The following CELF2 variants were observed in gnomAD, a reference collection of about 807,000 sequenced individuals.
CELF2 encodes the protein CUGBP Elav-like family member 2.
In CELF2, 8 loss-of-function variants were observed where a neutral mutation model predicts 62.6. The ratio of observed to expected loss-of-function variants is 0.13; its 90% CI spans 0.07 to 0.23. CELF2 has a LOEUF of 0.23. Among genes scored for constraint, CELF2 ranks in the 10% least tolerant of loss-of-function variants. CELF2 has a pLI of 1.00. For synonymous variants in CELF2, 258 were observed against 250.0 expected (o/e 1.03, Z -0.30); for missense variants, 333 against 671.0 (o/e 0.50, Z 5.56).
chr10:11,004,865 A>G (rs1185044162), upstream of CELF2, among the ~76,000 whole-genome samples: 1 of 152,186 alleles, frequency 6.6e-6, no homozygotes, highest in Non-Finnish European at 1.5e-5. The surrounding 1 kb of genome is among the most constrained non-coding windows in gnomAD (Gnocchi z 5.0). Flanking sequence ...TGTCCCAGAA[A>G]AGAGAGGCAA....
At chr10:10,625,193 G>A in the CELF2 span, among the ~76,000 whole-genome samples, 1 of 150,594 alleles carries the variant, frequency 6.6e-6, no homozygotes, top group African/African-American at 2.4e-5. Flanking sequence ...TGTAGGTATG[G>A]TATTGATAGA....
At chr10:11,083,467 C>T (rs970865142) in intron 1 of CELF2, among the ~76,000 whole-genome samples, 7 of 152,212 alleles carry the variant, frequency 4.6e-5, no homozygotes, top group South Asian at 2.1e-4. Context: ...ATTTCTGTCA[C>T]GGAGGGGTGC....
At chr10:11,327,254 T>C (rs1044299619) in intron 12 of CELF2, among the ~76,000 whole-genome samples, 1 of 152,170 alleles carries the variant, frequency 6.6e-6, no homozygotes, top group Non-Finnish European at 1.5e-5. Context: ...CTACATGATT[T>C]ACAAGGCTTT....
chr10:11,214,959 T>G lies in CELF2; in HGVS notation c.272-2466T>G, dbSNP rs1250115182. Among the ~76,000 whole-genome samples, 2 of 152,192 alleles carry G rather than the reference T, an allele frequency of 1.3e-5. No homozygotes were observed. The highest frequency in any genetic ancestry group is 2.9e-5 in the Non-Finnish European group (2 of 68,034). ...GTCCTTTCTTCCTTCCTTTCTCCTA[T>G]TCACCTGCCATCCCACCCTGCTTAG... On this transcript the variant is annotated intron_variant, in intron 2 of 12. Transcript: ENST00000633077. This position sits in a 1 kb window ranked among gnomAD's most constrained non-coding sequence, Gnocchi z 4.2.
intron 2 of CELF2, among the ~76,000 whole-genome samples, chr10:10,961,956 C>T (rs994399731): frequency 6.6e-6 from 1 of 151,766 alleles, no homozygotes; most frequent in East Asian, 1.9e-4. Context: ...CAGCCAGGTG[C>T]GGTGACTCAT....
At chr10:11,118,983 G>C (rs188603307) in intron 1 of CELF2, among the ~76,000 whole-genome samples, 2 of 152,346 alleles carry the variant, frequency 1.3e-5, no homozygotes, top group East Asian at 3.9e-4. Context: ...ACTTCATCAG[G>C]AAAGGTGAGC....
At chr10:11,053,612 CTT>C (rs35886208) in intron 1 of CELF2, among the ~76,000 whole-genome samples, 3 of 122,394 alleles carry the variant, frequency 2.5e-5, no homozygotes, top group Non-Finnish European at 3.5e-5. Flanking sequence ...TCTGATATTT[CTT>C]TTTTTTTTTT....
chr10:11,091,117 A>G (rs1766159580), intron 1 of CELF2, among the ~76,000 whole-genome samples: 1 of 152,206 alleles, frequency 6.6e-6, no homozygotes, highest in African/African-American at 2.4e-5. Context: ...ATAAAGCAGT[A>G]AGCCTATGGT....
intron 1 of CELF2, among the ~76,000 whole-genome samples, chr10:11,031,929 G>A (rs1160080836): frequency 2.0e-5 from 3 of 152,082 alleles, no homozygotes; most frequent in African/African-American, 7.2e-5. Context: ...CCCTTTTAGC[G>A]CTTCATTTGC....
chr10:10,590,180 G>A, the CELF2 span, among the ~76,000 whole-genome samples: 1 of 152,038 alleles, frequency 6.6e-6, no homozygotes, highest in East Asian at 1.9e-4. Flanking sequence ...CACACACACA[G>A]GCTTTTATAA....
chr10:10,653,021 G>C, the CELF2 span, among the ~76,000 whole-genome samples: 24 of 152,070 alleles, frequency 1.6e-4, no homozygotes, highest in African/African-American at 5.8e-4. Flanking sequence ...GATGGAGGAA[G>C]ATCTACCAAG....
intron 1 of CELF2, among the ~76,000 whole-genome samples, chr10:11,130,171 A>G (rs1457525906): frequency 1.3e-5 from 2 of 152,148 alleles, no homozygotes; most frequent in Non-Finnish European, 2.9e-5. Context: ...ATTTCCATGT[A>G]GTTGTGTGGT....
At chr10:11,274,716 G>T (rs947852905) in intron 7 of CELF2, among the ~76,000 whole-genome samples, 2 of 152,214 alleles carry the variant, frequency 1.3e-5, no homozygotes, top group African/African-American at 2.4e-5. Context: ...AATGGACCCT[G>T]ATTGACAGAG....
At chr10:10,654,821 C>A in the CELF2 span, among the ~76,000 whole-genome samples, 3,575 of 149,958 alleles carry the variant, frequency 0.024, 123 homozygotes, top group Admixed American at 0.075. Context: ...GACAGGGATG[C>A]CCTCTCTCAC....
intron 1 of CELF2, among the ~76,000 whole-genome samples, chr10:11,125,075 G>GAT: frequency 6.6e-6 from 1 of 152,132 alleles, no homozygotes; most frequent in South Asian, 2.1e-4. Context: ...CCACTTAGCT[G>GAT]GACCATTAAG....
chr10:11,137,302 C>T (rs561244796), intron 1 of CELF2, among the ~76,000 whole-genome samples: 3 of 152,278 alleles, frequency 2.0e-5, no homozygotes, highest in African/African-American at 7.2e-5. Flanking sequence ...CTATTTAATA[C>T]TTTTCAGTAG....
chr10:10,573,164 G>A, the CELF2 span, among the ~76,000 whole-genome samples: 1 of 152,012 alleles, frequency 6.6e-6, no homozygotes, highest in East Asian at 1.9e-4. Flanking sequence ...GAGAAGTGTA[G>A]GTTCATGTCC....
In CELF2 at chr10:11,280,054, CG is replaced by C. The variant is rs1327398773; in HGVS notation, c.841+4936del. The stretch of plus-strand genomic sequence containing the variant: ...TTGCCAAGCACGCGCCCTTGCCTCT[CG>C]GTCTGGTGCCCTTTCAGGATGAGCG... On this transcript the variant is annotated intron_variant, in intron 8 of 12. Coordinates refer to ENST00000633077, the MANE Select transcript of CELF2 (RefSeq NM_001326342.2). The surrounding 1 kb of genome is among the most constrained non-coding windows in gnomAD (Gnocchi z 7.6). Among the ~76,000 whole-genome samples the C allele has an allele frequency of 1.3e-5, 2 of 152,188 alleles. No individual in the cohort carries two copies. Among genetic ancestry groups the C allele is most frequent in the Non-Finnish European group, 2.9e-5 (2 of 68,036 alleles).
chr10:11,282,496 TGAG>T, intron 8 of CELF2, among the ~76,000 whole-genome samples: 1 of 152,372 alleles, frequency 6.6e-6, no homozygotes, highest in South Asian at 2.1e-4. Flanking sequence ...GGTAAGGCAC[TGAG>T]GAGCTTGCCT....
Sources: allele counts gnomAD v4.1 joint callset (sites outside exome capture counted in the v4.1 genomes callset), GRCh38; gene constraint gnomAD v4.1.1; non-coding constraint Gnocchi (gnomAD v3.1); transcripts MANE v1.5; gene names NCBI Gene and HGNC (gene_info 2026-07-23, HGNC 2026-07-21).